DCDC1: variants seen among roughly 807,000 people sequenced by gnomAD.
DCDC1 encodes doublecortin domain-containing protein 1.
Under a neutral mutation model 178.3 loss-of-function variants are expected in DCDC1, and 200 were observed. The observed-to-expected ratio is 1.12, with a 90% CI of 1.00 to 1.26. DCDC1 has a LOEUF of 1.26. DCDC1 is among the 50% of genes most tolerant of loss of function. The pLI is 0.00. For missense variants in DCDC1, 1,983 were observed against 1,749.2 expected (o/e 1.13, Z -2.38); for synonymous variants, 690 against 604.8 (o/e 1.14, Z -2.07).
chr11:31,261,405 T>A (rs1944772356), intron 8 of DCDC1, among the ~76,000 whole-genome samples: 1 of 152,192 alleles, frequency 6.6e-6, no homozygotes, highest in African/African-American at 2.4e-5. Context: ...GTATTGTTTA[T>A]GCATAGATAC....
intron 9 of DCDC1, among the ~76,000 whole-genome samples, chr11:31,235,041 C>T (rs962082436): frequency 6.6e-6 from 1 of 152,052 alleles, no homozygotes; most frequent in Admixed American, 6.6e-5. Context: ...TTTTAAAATG[C>T]AATATTTCTA....
chr11:31,036,850 TA>T (rs1314823838), intron 20 of DCDC1, among the ~76,000 whole-genome samples: 1 of 152,216 alleles, frequency 6.6e-6, no homozygotes, highest in Non-Finnish European at 1.5e-5. Context: ...TTCAAATAGA[TA>T]TTTATGGTAT....
intron 20 of DCDC1, among the ~76,000 whole-genome samples, chr11:30,959,012 C>T (rs1373313127): frequency 6.6e-6 from 1 of 152,078 alleles, no homozygotes; most frequent in Non-Finnish European, 1.5e-5. Context: ...AGGGCTGAGA[C>T]TTCTCAAGGA....
chr11:30,899,071 C>T lies in DCDC1; in HGVS notation c.4765+470G>A, dbSNP rs112749515. Among the ~76,000 whole-genome samples, 204 of 151,932 alleles carry T rather than the reference C, an allele frequency of 1.3e-3. 1 individual carries two copies. The highest frequency in any genetic ancestry group is 4.4e-3 in the African/African-American group (183 of 41,450). On this transcript the variant is annotated intron_variant, in intron 34 of 38. Coordinates refer to ENST00000684477, the MANE Select transcript of DCDC1 (RefSeq NM_001387274.1). ...AAAAGGAGTCATTTTAAGTTACTGA[C>T]ACTGACTTCTGAAGATTTTAGTACT...
At chr11:31,057,433 T>C (rs1955658967) in intron 20 of DCDC1, among the ~76,000 whole-genome samples, 1 of 152,112 alleles carries the variant, frequency 6.6e-6, no homozygotes, top group South Asian at 2.1e-4. Flanking sequence ...ATTTCATATA[T>C]TTGGAAATTA....
At chr11:30,937,862 T>C (rs999076867) in intron 21 of DCDC1, among the ~76,000 whole-genome samples, 1 of 152,130 alleles carries the variant, frequency 6.6e-6, no homozygotes, top group Non-Finnish European at 1.5e-5. Context: ...CTCATCCATT[T>C]ACCCTTCCAT....
intron 6 of DCDC1, among the ~76,000 whole-genome samples, chr11:31,297,147 C>G (rs936013714): frequency 2.0e-5 from 3 of 152,106 alleles, no homozygotes; most frequent in Non-Finnish European, 4.4e-5. Context: ...CATGCCAACA[C>G]AGAGAAACTG....
chr11:31,315,262 T>C (rs1468495626), intron 3 of DCDC1, among the ~76,000 whole-genome samples: 1 of 149,590 alleles, frequency 6.7e-6, no homozygotes, highest in African/African-American at 2.4e-5. Context: ...ATCCCTCAGC[T>C]ATAACTACAC....
At chr11:31,160,246 CTT>C (rs1236909947) in intron 9 of DCDC1, among the ~76,000 whole-genome samples, 1 of 152,070 alleles carries the variant, frequency 6.6e-6, no homozygotes. Context: ...AAGATACAAA[CTT>C]AATACATTTT....
chr11:30,880,720 C>T (rs1267572054), intron 37 of DCDC1, among the ~76,000 whole-genome samples: 1 of 151,828 alleles, frequency 6.6e-6, no homozygotes, highest in African/African-American at 2.4e-5. Flanking sequence ...AAGAAAATGA[C>T]CAACGAATAG....
intron 3 of DCDC1, among the ~76,000 whole-genome samples, chr11:31,315,195 T>C (rs1205943754): frequency 1.3e-5 from 2 of 152,072 alleles, no homozygotes; most frequent in African/African-American, 2.4e-5. Context: ...ATCATACTTC[T>C]TGGTCTCACA....
intron 7 of DCDC1, among the ~76,000 whole-genome samples, chr11:31,289,194 C>A (rs1275901280): frequency 6.6e-6 from 1 of 151,902 alleles, no homozygotes; most frequent in Non-Finnish European, 1.5e-5. Context: ...GTGACTATTA[C>A]TCCAATTTTA....
chr11:31,109,684 G>A (rs1591075125), intron 12 of DCDC1, among the ~76,000 whole-genome samples: 1 of 152,108 alleles, frequency 6.6e-6, no homozygotes, highest in South Asian at 2.1e-4. Flanking sequence ...CTGTGCGCTC[G>A]GGTGCATAAC....
chr11:31,354,211 G>C (rs902837729), intron 1 of DCDC1, among the ~76,000 whole-genome samples: 1 of 152,116 alleles, frequency 6.6e-6, no homozygotes, highest in South Asian at 2.1e-4. Flanking sequence ...TCCTGAACCT[G>C]GGAGGCGGAG....
chr11:31,110,425 A>C (rs570304576), intron 11 of DCDC1, 64 bp from the exon 12 acceptor site: 45 of 632,936 alleles, frequency 7.1e-5, no homozygotes, highest in Middle Eastern at 3.5e-4. Context: ...ATATATTCAT[A>C]CATACTTAGA....
At chr11:31,356,012 A>G (rs1314705399) in intron 1 of DCDC1, among the ~76,000 whole-genome samples, 1 of 152,182 alleles carries the variant, frequency 6.6e-6, no homozygotes, top group Non-Finnish European at 1.5e-5. Context: ...ACTATTCCCA[A>G]TCGCCCTTCT....
intron 3 of DCDC1, among the ~76,000 whole-genome samples, chr11:31,310,931 T>C (rs770289597): frequency 3.9e-5 from 6 of 152,178 alleles, no homozygotes; most frequent in Non-Finnish European, 7.3e-5. Flanking sequence ...CTGTCAAGGA[T>C]ACACTAGTGA....
Position 31,307,710 on chromosome 11 carries a change from A to C in DCDC1, c.363T>G (p.Ser121Arg). The C allele has an allele frequency of 6.2e-7, 1 of 1,614,076 alleles. No individual in the cohort carries two copies. The highest frequency in any genetic ancestry group is 8.5e-7 in the Non-Finnish European group (1 of 1,179,950). The change falls in exon 4 of 39, where the codon AGT becomes AGG. Residue 121 changes from serine to arginine, a missense_variant. By Grantham distance (110) the Ser-to-Arg change is moderately radical (BLOSUM62 -1). Coordinates refer to ENST00000684477, the MANE Select transcript of DCDC1 (RefSeq NM_001387274.1). ...ISDLDSYKSNSKNNSCSISAS... is the reference protein window; with the variant it reads ...ISDLDSYKSNRKNNSCSISAS... ...CTGATATAGAACAAGAATTGTTTTTACTGTTTGATTTGTAGCTATCTAGGT... is the reference window on the plus strand; with the variant it reads ...CTGATATAGAACAAGAATTGTTTTTCCTGTTTGATTTGTAGCTATCTAGGT...
rs16921560 is a variant in DCDC1 at position 30,900,218 on chromosome 11, T to G, written c.4663+128A>C. 3,308 of 883,350 alleles carry G rather than the reference T, an allele frequency of 3.7e-3. 90 individuals carry two copies. The African/African-American group carries it at 0.051, about 14-fold the overall frequency. The allele number at this position is 883,350 out of a possible 1,614,324, so 54.7% of individuals were successfully genotyped here. On this transcript the variant is annotated intron_variant, in intron 33 of 38. Coordinates refer to ENST00000684477, the MANE Select transcript of DCDC1 (RefSeq NM_001387274.1). ...ATATTAGTTGATGAACCTTCTGTTC[T>G]TTGTATAAATGTGATGTTATTATGT...
Sources: gnomAD v4.1 joint callset for allele counts (sites outside exome capture counted in the v4.1 genomes callset) on GRCh38, gnomAD v4.1.1 for gene constraint, MANE v1.5 for transcripts, NCBI Gene and HGNC (gene_info 2026-07-23, HGNC 2026-07-21) for gene names.